TRPS1: variants seen among roughly 807,000 people sequenced by gnomAD.
The protein encoded by TRPS1 is zinc finger transcription factor Trps1.
Under a neutral mutation model 101.2 loss-of-function variants are expected in TRPS1, and 6 were observed. The observed-to-expected ratio is 0.06, with a 90% CI of 0.03 to 0.12. TRPS1 has a LOEUF of 0.12. TRPS1 is among the 10% of genes least tolerant of loss of function. TRPS1 has a pLI of 1.00. For missense variants in TRPS1, 1,363 were observed against 1,567.0 expected (o/e 0.87, Z 2.20); for synonymous variants, 578 against 589.8 (o/e 0.98, Z 0.29).
In TRPS1 at chr8:115,587,862, TGCAC is replaced by T. The variant is rs1204376410; in HGVS notation, c.2097-262_2097-259del. 1.6e-3 allele frequency among the ~76,000 whole-genome samples: 243 copies of T among 152,206 alleles called. 2 individuals are homozygous for T. Among genetic ancestry groups the T allele is most frequent in the African/African-American group, 4.8e-3 (201 of 41,546 alleles). ...CACACACACACACACACACGCATCGTGCACGCACGCACGCACGCTGCTCGTGCTT... is the reference window on the plus strand; with the variant it reads ...CACACACACACACACACACGCATCGTGCACGCACGCACGCTGCTCGTGCTT... On this transcript the variant is annotated intron_variant, in intron 4 of 6. Transcript: ENST00000395715.
intron 5 of TRPS1, among the ~76,000 whole-genome samples, chr8:115,484,049 AAAAAT>A (rs960009210): frequency 1.1e-4 from 17 of 152,158 alleles, no homozygotes; most frequent in African/African-American, 4.1e-4. Flanking sequence ...AATTCTGGAG[AAAAAT>A]ATAACAATCT....
chr8:115,458,059 A>C (rs1318282684), intron 5 of TRPS1, among the ~76,000 whole-genome samples: 1 of 152,196 alleles, frequency 6.6e-6, no homozygotes, highest in East Asian at 1.9e-4. Flanking sequence ...GGTCGAATTC[A>C]AGAGAAATTT....
chr8:115,655,253 T>G (rs1309096582), intron 1 of TRPS1, among the ~76,000 whole-genome samples: 1 of 152,216 alleles, frequency 6.6e-6, no homozygotes, highest in African/African-American at 2.4e-5. Context: ...TGGCAGATTT[T>G]AGACTGACCA....
intron 5 of TRPS1, among the ~76,000 whole-genome samples, chr8:115,581,866 T>C (rs1192104341): frequency 6.6e-6 from 1 of 152,196 alleles, no homozygotes; most frequent in East Asian, 1.9e-4. Flanking sequence ...ATTTTTCAAA[T>C]AGATGTCAAC....
intron 5 of TRPS1, among the ~76,000 whole-genome samples, chr8:115,437,755 T>A (rs1813492585): frequency 6.6e-6 from 1 of 152,194 alleles, no homozygotes; most frequent in African/African-American, 2.4e-5. Flanking sequence ...CTATCTCATA[T>A]TTATTGTAAA....
intron 5 of TRPS1, among the ~76,000 whole-genome samples, chr8:115,522,274 A>G (rs1815884202): frequency 6.6e-6 from 1 of 151,948 alleles, no homozygotes; most frequent in Non-Finnish European, 1.5e-5. Flanking sequence ...AGATTGTGTG[A>G]TGGCATTTAT....
intron 1 of TRPS1, among the ~76,000 whole-genome samples, chr8:115,634,442 G>A (rs1563659340): frequency 6.6e-6 from 1 of 152,174 alleles, no homozygotes; most frequent in Non-Finnish European, 1.5e-5. Flanking sequence ...CCAAGAAAAA[G>A]TAGCACTCTA....
At chr8:115,545,691 A>C (rs1239927908) in intron 5 of TRPS1, among the ~76,000 whole-genome samples, 1 of 152,194 alleles carries the variant, frequency 6.6e-6, no homozygotes. Context: ...ATTTTAGATA[A>C]AGATCCAATT....
rs750769498 is a variant in TRPS1, at chr8:115,619,393, A to G, written c.705T>C (p.Phe235=). The G allele has an allele frequency of 1.9e-6, 3 of 1,614,178 alleles. No individual in the cohort carries two copies. The South Asian group carries it at 3.3e-5, about 18-fold the overall frequency. Residue 235 remains phenylalanine, a synonymous_variant, in exon 3 of 7, where the codon TTT becomes TTC. Coordinates refer to ENST00000395715, the MANE Select transcript of TRPS1 (RefSeq NM_014112.5). ...AACCATATCCACAGATATTGCATTT[A>G]AAGTCCTGAAGCTCTGGAGACAGAG... ...PAPLSPELQD[F]KCNICGYGYY...
chr8:115,644,420 G>A (rs188975541), intron 1 of TRPS1, among the ~76,000 whole-genome samples: 1 of 152,250 alleles, frequency 6.6e-6, no homozygotes, highest in East Asian at 1.9e-4. Context: ...AGCTTCAAAC[G>A]TTTCTTCTGC....
chr8:115,656,062 A>G (rs532220409), intron 1 of TRPS1, among the ~76,000 whole-genome samples: 64 of 152,276 alleles, frequency 4.2e-4, no homozygotes, highest in Middle Eastern at 3.4e-3. Flanking sequence ...CTCAGAATCA[A>G]TTCCACTTTG....
At chr8:115,539,736 T>C (rs528282147) in intron 5 of TRPS1, among the ~76,000 whole-genome samples, 1 of 152,280 alleles carries the variant, frequency 6.6e-6, no homozygotes, top group East Asian at 1.9e-4. Context: ...CACACACCTG[T>C]AGTCTCAGCT....
At chr8:115,469,210 T>G (rs1381335250) in intron 5 of TRPS1, among the ~76,000 whole-genome samples, 1 of 152,152 alleles carries the variant, frequency 6.6e-6, no homozygotes, top group Non-Finnish European at 1.5e-5. Context: ...ATTGACAAGA[T>G]GAAACAGTGT....
intron 5 of TRPS1, among the ~76,000 whole-genome samples, chr8:115,454,861 T>C (rs1376811207): frequency 6.6e-6 from 1 of 152,164 alleles, no homozygotes; most frequent in Non-Finnish European, 1.5e-5. Context: ...TTCCCATTCC[T>C]CAAATTTTTC....
intron 2 of TRPS1, among the ~76,000 whole-genome samples, chr8:115,620,959 G>C (rs1048778079): frequency 2.6e-5 from 4 of 152,168 alleles, no homozygotes; most frequent in African/African-American, 4.8e-5. Context: ...CATTGTCCTT[G>C]TGTAGTTCAA....
intron 5 of TRPS1, among the ~76,000 whole-genome samples, chr8:115,552,111 G>A (rs560219738): frequency 6.6e-6 from 1 of 152,234 alleles, no homozygotes; most frequent in East Asian, 1.9e-4. Flanking sequence ...CTCCAAGAGA[G>A]GTCTGAGGGG....
At chr8:115,576,500 C>A (rs1055237470) in intron 5 of TRPS1, among the ~76,000 whole-genome samples, 12 of 152,086 alleles carry the variant, frequency 7.9e-5, no homozygotes, top group Non-Finnish European at 1.8e-4. Flanking sequence ...AAACTATAAT[C>A]TTCCAAAGCA....
chr8:115,452,537 T>C (rs1210576716), intron 5 of TRPS1, among the ~76,000 whole-genome samples: 2 of 152,248 alleles, frequency 1.3e-5, no homozygotes, highest in African/African-American at 4.8e-5. Flanking sequence ...TGATTTATTC[T>C]GACAGATATA....
chr8:115,466,555 C>T (rs966738804), intron 5 of TRPS1, among the ~76,000 whole-genome samples: 3 of 151,872 alleles, frequency 2.0e-5, no homozygotes, highest in Admixed American at 6.6e-5. Context: ...GAGCTTATGT[C>T]GAAGGAAACT....
Sources: gnomAD v4.1 joint callset for allele counts (sites outside exome capture counted in the v4.1 genomes callset) on GRCh38, gnomAD v4.1.1 for gene constraint, MANE v1.5 for transcripts, NCBI Gene and HGNC (gene_info 2026-07-23, HGNC 2026-07-21) for gene names.